Variants in FOXP1 observed in about 807,000 individuals in gnomAD.
The protein encoded by FOXP1 is forkhead box protein P1.
FOXP1 carries 15 observed loss-of-function variants against 98.2 expected under a neutral mutation model. That is an observed-to-expected ratio of 0.15 (90% CI 0.10 to 0.24). FOXP1 has a LOEUF of 0.24. Among genes scored for constraint, FOXP1 ranks in the 10% least tolerant of loss-of-function variants. The probability of loss-of-function intolerance (pLI) is 1.00; values close to 1 mark genes in which losing one functional copy is unlikely to be tolerated. For synonymous variants in FOXP1, 371 were observed against 314.5 expected (o/e 1.18, Z -1.90); for missense variants, 633 against 848.5 (o/e 0.75, Z 3.15).
chr3:71,541,678 G>A lies in FOXP1; in HGVS notation c.-298+39871C>T, dbSNP rs188574898. On this transcript the variant is annotated intron_variant, in intron 2 of 20. Coordinates refer to ENST00000649528, the MANE Select transcript of FOXP1 (RefSeq NM_001349338.3). ...TGCGTATTTCACCAGAATTTACTCC[G>A]AGAGCATTAAAAAAAAAAAGTTAAG... is the stretch of plus-strand genomic sequence containing the variant. 4.0e-5 allele frequency among the ~76,000 whole-genome samples: 6 copies of A among 151,754 alleles called. No homozygotes were observed. In the East Asian group the frequency reaches 7.7e-4, roughly 20 times the overall value.
At chr3:71,133,493 G>A (rs969315686) in intron 6 of FOXP1, among the ~76,000 whole-genome samples, 1 of 152,192 alleles carries the variant, frequency 6.6e-6, no homozygotes, top group African/African-American at 2.4e-5. Flanking sequence ...ATGGCTTCAC[G>A]CTAATTGCTG....
At chr3:71,333,361 T>C (rs1294880689) in intron 4 of FOXP1, 6 of 150,472 alleles carry the variant, frequency 4.0e-5, no homozygotes, top group African/African-American at 1.5e-4. Flanking sequence ...AAATGAGCAA[T>C]ATAAAAATTT....
intron 4 of FOXP1, among the ~76,000 whole-genome samples, chr3:71,318,154 GTT>G (rs56227948): frequency 0.011 from 1,490 of 133,214 alleles, 24 homozygotes; most frequent in Admixed American, 9.3e-3. Flanking sequence ...ACCCAGCAAG[GTT>G]TTTTTTTTTT....
At chr3:71,149,944 C>T (rs551792485) in intron 6 of FOXP1, among the ~76,000 whole-genome samples, 1 of 152,328 alleles carries the variant, frequency 6.6e-6, no homozygotes, top group South Asian at 2.1e-4. Flanking sequence ...ATTTTAGTCC[C>T]TGACTAATCC....
chr3:71,163,000 G>A lies in FOXP1; in HGVS notation c.180+35202C>T, dbSNP rs77430732. On this transcript the variant is annotated intron_variant, in intron 6 of 20. Coordinates refer to ENST00000649528, the MANE Select transcript of FOXP1 (RefSeq NM_001349338.3). The stretch of plus-strand genomic sequence containing the variant: ...ATGCAACAGAAAGAAACTGAAAAAA[G>A]CAAGCTGGTGTTCCATCTAAAATGT... 2.4e-3 allele frequency among the ~76,000 whole-genome samples: 372 copies of A among 152,270 alleles called. 15 individuals carry two copies. The East Asian group carries it at 0.056, about 23-fold the overall frequency.
chr3:71,382,056 G>T (rs2080218075), intron 3 of FOXP1, among the ~76,000 whole-genome samples: 1 of 152,144 alleles, frequency 6.6e-6, no homozygotes, highest in African/African-American at 2.4e-5. Flanking sequence ...CGAGTTTCTT[G>T]AGTCCAAGGC....
chr3:71,532,572 C>T (rs986337570), intron 2 of FOXP1, among the ~76,000 whole-genome samples: 10 of 152,094 alleles, frequency 6.6e-5, no homozygotes, highest in Non-Finnish European at 1.2e-4. Flanking sequence ...GTGTGAGTTT[C>T]CTTAAGGTAG....
chr3:71,493,922 A>T (rs1237805408), intron 2 of FOXP1, among the ~76,000 whole-genome samples: 5 of 152,214 alleles, frequency 3.3e-5, no homozygotes, highest in African/African-American at 1.2e-4. Context: ...CTATTAAGTT[A>T]TGATCTTTTT....
chr3:71,184,250 G>A lies in FOXP1; in HGVS notation c.180+13952C>T, dbSNP rs143762778. 2.9e-4 allele frequency among the ~76,000 whole-genome samples: 44 copies of A among 152,274 alleles called. No homozygotes were observed. In the East Asian group the frequency reaches 8.3e-3, roughly 29 times the overall value. On this transcript the variant is annotated intron_variant, in intron 6 of 20. Coordinates refer to ENST00000649528, the MANE Select transcript of FOXP1 (RefSeq NM_001349338.3). ...TGCCATAGAGCCACTCAGTAAAATTGTATCCCTGATTCAAAGGGTGTGGCT... is the reference window on the plus strand; with the variant it reads ...TGCCATAGAGCCACTCAGTAAAATTATATCCCTGATTCAAAGGGTGTGGCT...
At chr3:70,963,923 AG>A (rs1317752215) in intron 20 of FOXP1, among the ~76,000 whole-genome samples, 2 of 152,184 alleles carry the variant, frequency 1.3e-5, no homozygotes, top group South Asian at 2.1e-4. Flanking sequence ...CTTCCTAACA[AG>A]GTCCTTCAAG....
chr3:70,973,181 C>T (rs1228082508), intron 17 of FOXP1, among the ~76,000 whole-genome samples: 2 of 152,058 alleles, frequency 1.3e-5, no homozygotes, highest in Non-Finnish European at 2.9e-5. Flanking sequence ...TGGATTTTAC[C>T]GTTGAGAGTA....
chr3:71,534,966 A>G (rs1472084893), intron 2 of FOXP1, among the ~76,000 whole-genome samples: 4 of 152,224 alleles, frequency 2.6e-5, no homozygotes, highest in Admixed American at 2.6e-4. Flanking sequence ...TATTCTTCAC[A>G]CTGAACTTGA....
intron 4 of FOXP1, among the ~76,000 whole-genome samples, chr3:71,350,008 C>T (rs2077675044): frequency 6.6e-6 from 1 of 152,262 alleles, no homozygotes; most frequent in African/African-American, 2.4e-5. Flanking sequence ...TAATTTAACT[C>T]ACTGAAGTTT....
intron 17 of FOXP1, 116 bp downstream of exon 17, chr3:70,976,825 T>C: frequency 1.3e-6 from 1 of 758,904 alleles, no homozygotes. Flanking sequence ...TTGGACACTT[T>C]AAGAGTATCA....
chr3:71,028,003 TTTG>T (rs2046357314), intron 11 of FOXP1, among the ~76,000 whole-genome samples: 1 of 152,114 alleles, frequency 6.6e-6, no homozygotes, highest in Admixed American at 6.5e-5. Flanking sequence ...TACTGTAACA[TTTG>T]ATCTGGGCCT....
chr3:71,374,617 AT>A (rs1278719416), intron 3 of FOXP1, among the ~76,000 whole-genome samples: 3 of 152,144 alleles, frequency 2.0e-5, no homozygotes, highest in African/African-American at 7.2e-5. Flanking sequence ...AAAAATAAAA[AT>A]ATCTGTCAGA....
chr3:71,432,381 C>A (rs1230675326), intron 3 of FOXP1, among the ~76,000 whole-genome samples: 2 of 152,200 alleles, frequency 1.3e-5, no homozygotes, highest in Non-Finnish European at 2.9e-5. Context: ...TGCCTCACCA[C>A]CCCTGAACCA....
intron 7 of FOXP1, among the ~76,000 whole-genome samples, chr3:71,108,210 T>G (rs1559943605): frequency 6.6e-6 from 1 of 152,240 alleles, no homozygotes; most frequent in Non-Finnish European, 1.5e-5. Flanking sequence ...ACTCTTACTT[T>G]CTTAGGAGAA....
chr3:71,115,238 G>A (rs1190384524), intron 6 of FOXP1, among the ~76,000 whole-genome samples: 1 of 151,884 alleles, frequency 6.6e-6, no homozygotes, highest in African/African-American at 2.4e-5. Context: ...GAAAAACAAA[G>A]TAATGAAGAC....
Sources: gnomAD v4.1 joint callset for allele counts (sites outside exome capture counted in the v4.1 genomes callset) on GRCh38, gnomAD v4.1.1 for gene constraint, MANE v1.5 for transcripts, NCBI Gene and HGNC (gene_info 2026-07-23, HGNC 2026-07-21) for gene names.